CELF4: variants seen among roughly 807,000 people sequenced by gnomAD.
The protein encoded by CELF4 is CUGBP Elav-like family member 4.
In CELF4, 18 loss-of-function variants were observed where a neutral mutation model predicts 59.9. That is an observed-to-expected ratio of 0.30 (90% CI 0.21 to 0.45). The LOEUF (loss-of-function observed/expected upper bound fraction) is 0.45, where lower values mean the gene tolerates loss of function less well. Ranked by LOEUF, CELF4 falls within the 20% of genes least tolerant of loss-of-function variation. CELF4 has a pLI of 1.00. For synonymous variants in CELF4, 261 were observed against 267.1 expected (o/e 0.98, Z 0.22); for missense variants, 456 against 689.0 (o/e 0.66, Z 3.79).
intron 2 of CELF4, among the ~76,000 whole-genome samples, chr18:37,477,542 G>GGGC (rs1307873786): frequency 2.0e-5 from 3 of 152,166 alleles, no homozygotes; most frequent in Non-Finnish European, 4.4e-5. Flanking sequence ...TCTGAAGAAT[G>GGGC]CATCAGAGGG....
intron 2 of CELF4, among the ~76,000 whole-genome samples, chr18:37,472,338 A>G (rs1390854936): frequency 6.6e-6 from 1 of 152,238 alleles, no homozygotes; most frequent in African/African-American, 2.4e-5. Flanking sequence ...GCACTAGGCT[A>G]TAAAGCTGGG....
At chr18:37,487,078 A>G (rs2099882800) in intron 1 of CELF4, among the ~76,000 whole-genome samples, 1 of 152,150 alleles carries the variant, frequency 6.6e-6, no homozygotes, top group African/African-American at 2.4e-5. Context: ...TGAGGCCCAC[A>G]GGCTGCTGGT....
intron 2 of CELF4, among the ~76,000 whole-genome samples, chr18:37,376,560 G>C (rs1161687023): frequency 6.6e-6 from 1 of 152,178 alleles, no homozygotes; most frequent in Admixed American, 6.5e-5. Flanking sequence ...TGCAGTGCTG[G>C]GGGCTTGAGA....
intron 8 of CELF4, among the ~76,000 whole-genome samples, chr18:37,268,594 A>T (rs930789572): frequency 3.9e-5 from 6 of 152,238 alleles, no homozygotes; most frequent in African/African-American, 1.4e-4. Flanking sequence ...GAATGAATGA[A>T]CAATCTTTAA....
chr18:37,328,308 G>A (rs1168424805), intron 2 of CELF4, among the ~76,000 whole-genome samples: 1 of 152,232 alleles, frequency 6.6e-6, no homozygotes, highest in Non-Finnish European at 1.5e-5. Flanking sequence ...AGCCTGCACT[G>A]GAAGGTGGGG....
chr18:37,494,310 A>G lies in CELF4; in HGVS notation c.287-8703T>C, dbSNP rs563029214. Among the ~76,000 whole-genome samples, 27 of 152,246 alleles carry G rather than the reference A, an allele frequency of 1.8e-4. 2 individuals are homozygous for G. In the East Asian group the frequency reaches 5.2e-3, roughly 29 times the overall value. On this transcript the variant is annotated intron_variant, in intron 1 of 12. Coordinates refer to ENST00000420428, the MANE Select transcript of CELF4 (RefSeq NM_020180.4). ...TGGCCTGTCCCCCTTTTCAGCAAAG[A>G]GCTCCTCCATCTATGGTCAGGGCTG...
intron 1 of CELF4, among the ~76,000 whole-genome samples, chr18:37,513,017 A>G (rs543728722): frequency 3.9e-5 from 6 of 152,262 alleles, no homozygotes; most frequent in Admixed American, 3.9e-4. Context: ...TGGGAGATGC[A>G]TGGTGGATCT....
chr18:37,284,401 G>A (rs1331515069), intron 3 of CELF4, among the ~76,000 whole-genome samples: 2 of 152,010 alleles, frequency 1.3e-5, no homozygotes, highest in African/African-American at 4.8e-5. Context: ...TCTGACCTCT[G>A]GGAGCCTGGC....
At chr18:37,469,708 C>T (rs1011707032) in intron 2 of CELF4, among the ~76,000 whole-genome samples, 3 of 152,192 alleles carry the variant, frequency 2.0e-5, no homozygotes, top group African/African-American at 7.2e-5. Flanking sequence ...CTTCTCAGAA[C>T]CTCTGGGCAG....
rs2154276973 is a variant in CELF4 at position 37,253,788 on chromosome 18, C to T, written c.*23G>A. The T allele has an allele frequency of 6.3e-7, 1 of 1,588,116 alleles. No individual in the cohort carries two copies. The highest frequency in any genetic ancestry group is 8.6e-7 in the Non-Finnish European group (1 of 1,167,072). ...TTACCTGTGCGAGTCCTGGTCTCCCCCGGGGGACGCTCCCGCCGGCGCTCA... is the reference window on the plus strand; with the variant it reads ...TTACCTGTGCGAGTCCTGGTCTCCCTCGGGGGACGCTCCCGCCGGCGCTCA... On this transcript the variant is annotated 3_prime_UTR_variant, in exon 12 of 13. Coordinates refer to ENST00000420428, the MANE Select transcript of CELF4 (RefSeq NM_020180.4). The surrounding 1 kb of genome is among the most constrained non-coding windows in gnomAD (Gnocchi z 4.5).
At chr18:37,329,899 C>A (rs1034247288) in intron 2 of CELF4, among the ~76,000 whole-genome samples, 5 of 152,148 alleles carry the variant, frequency 3.3e-5, no homozygotes, top group Non-Finnish European at 7.3e-5. Flanking sequence ...TTTCTGGGTC[C>A]CCATCTTCAT....
At chr18:37,453,121 T>C (rs553804226) in intron 2 of CELF4, among the ~76,000 whole-genome samples, 5 of 152,382 alleles carry the variant, frequency 3.3e-5, no homozygotes, top group African/African-American at 4.8e-5. Context: ...CTACCTGGAA[T>C]GGCCCCCTCC....
intron 2 of CELF4, among the ~76,000 whole-genome samples, chr18:37,463,720 C>T (rs1229565227): frequency 6.6e-6 from 1 of 152,188 alleles, no homozygotes; most frequent in Non-Finnish European, 1.5e-5. Context: ...ATTGTCACTG[C>T]TCCTCTCCAG....
intron 2 of CELF4, among the ~76,000 whole-genome samples, chr18:37,413,741 C>T (rs1019460126): frequency 6.6e-6 from 1 of 152,216 alleles, no homozygotes; most frequent in African/African-American, 2.4e-5. Context: ...TCAAGTCCCA[C>T]ATCCTTCCAG....
At chr18:37,299,498 A>C (rs949933411) in intron 3 of CELF4, among the ~76,000 whole-genome samples, 2 of 151,904 alleles carry the variant, frequency 1.3e-5, no homozygotes, top group African/African-American at 4.8e-5. Context: ...GAACCCTCCC[A>C]CTCAGAATGT....
chr18:37,417,152 A>T (rs1303596299), intron 2 of CELF4, among the ~76,000 whole-genome samples: 1 of 152,186 alleles, frequency 6.6e-6, no homozygotes, highest in Non-Finnish European at 1.5e-5. Context: ...AGGCCTGCAC[A>T]ATTGCACCTC....
intron 1 of CELF4, among the ~76,000 whole-genome samples, chr18:37,538,116 G>A (rs2099975075): frequency 6.6e-6 from 1 of 152,242 alleles, no homozygotes; most frequent in African/African-American, 2.4e-5. Context: ...GGACCTTCCG[G>A]GAGGCCAGAG....
chr18:37,268,614 G>C (rs533815852), intron 8 of CELF4, among the ~76,000 whole-genome samples: 23 of 152,332 alleles, frequency 1.5e-4, no homozygotes, highest in Admixed American at 1.2e-3. Context: ...ATGTTTGCAA[G>C]AGCCACCCCT....
chr18:37,537,479 GC>G (rs1206980065), intron 1 of CELF4, among the ~76,000 whole-genome samples: 4 of 152,170 alleles, frequency 2.6e-5, no homozygotes, highest in Non-Finnish European at 5.9e-5. Flanking sequence ...TATGATTAAG[GC>G]AGGGAGGCCA....
Sources: allele counts gnomAD v4.1 joint callset (sites outside exome capture counted in the v4.1 genomes callset), GRCh38; gene constraint gnomAD v4.1.1; non-coding constraint Gnocchi (gnomAD v3.1); transcripts MANE v1.5; gene names NCBI Gene and HGNC (gene_info 2026-07-23, HGNC 2026-07-21).